Variants in MAOA observed in about 807,000 individuals in gnomAD.
MAOA encodes the protein amine oxidase [flavin-containing] A.
In MAOA, 6 loss-of-function variants were observed where a neutral mutation model predicts 42.0. The observed-to-expected ratio is 0.14, with a 90% CI of 0.08 to 0.28. The LOEUF (loss-of-function observed/expected upper bound fraction) is 0.28. MAOA is among the 10% of genes least tolerant of loss of function. MAOA has a pLI of 1.00. For missense variants in MAOA, 262 were observed against 422.3 expected (o/e 0.62, Z 3.33); for synonymous variants, 140 against 154.0 (o/e 0.91, Z 0.67).
chrX:43,691,093 C>G (rs1036389152), intron 2 of MAOA, among the ~76,000 whole-genome samples: 9 of 111,621 alleles, frequency 8.1e-5, no homozygotes, highest in Non-Finnish European at 1.3e-4. Context: ...CAAATAAATA[C>G]GAGATCAGAG....
intron 14 of MAOA, 33 bp downstream of exon 14, chrX:43,744,204 T>G: frequency 8.6e-7 from 1 of 1,166,222 alleles, no homozygotes; most frequent in Non-Finnish European, 1.2e-6. Context: ...CTATCTCTCC[T>G]TAGACCAATC....
intron 3 of MAOA, among the ~76,000 whole-genome samples, chrX:43,696,014 G>A (rs2033576020): frequency 8.9e-6 from 1 of 111,921 alleles, no homozygotes; most frequent in South Asian, 3.7e-4. Flanking sequence ...GCTTTACTGG[G>A]AACCCTGCTT....
chrX:43,708,662 G>GT (rs758339663), intron 3 of MAOA, among the ~76,000 whole-genome samples: 554 of 96,027 alleles, frequency 5.8e-3, no homozygotes, highest in East Asian at 0.028. Flanking sequence ...TCTTCTTGTT[G>GT]TTTTTTTTTT....
intron 3 of MAOA, among the ~76,000 whole-genome samples, chrX:43,703,221 A>C (rs1002816411): frequency 2.7e-5 from 3 of 111,469 alleles, no homozygotes; most frequent in Non-Finnish European, 5.7e-5. Flanking sequence ...AGTAGGGGGC[A>C]GGGCCACATC....
intron 3 of MAOA, among the ~76,000 whole-genome samples, chrX:43,696,079 G>A (rs1198716463): frequency 1.8e-5 from 2 of 112,068 alleles, no homozygotes; most frequent in Non-Finnish European, 3.8e-5. Context: ...CCTGCTGCAA[G>A]CTTTAATAGA....
intron 11 of MAOA, among the ~76,000 whole-genome samples, chrX:43,741,687 A>G (rs1035948076): frequency 9.0e-6 from 1 of 111,310 alleles, no homozygotes; most frequent in African/African-American, 3.3e-5. Context: ...GGATGGATGG[A>G]TACCCCTCTC....
intron 5 of MAOA, among the ~76,000 whole-genome samples, chrX:43,724,661 G>A (rs1342293683): frequency 9.0e-6 from 1 of 111,151 alleles, no homozygotes; most frequent in Admixed American, 9.6e-5. Flanking sequence ...GGTTTTTTGT[G>A]TCTCTGTCTC....
At position 43,744,355 on chromosome X, in the gene MAOA, T is replaced by G; in HGVS notation, c.1438-12T>G. The G allele has an allele frequency of 6.6e-6, 8 of 1,211,172 alleles. No homozygotes were observed. Among genetic ancestry groups the G allele is most frequent in the Non-Finnish European group, 8.9e-6 (8 of 895,019 alleles). ...TGAGTTTTTTGCTCATGATCTGTGTTCCTTCATCTAGGACGTTCCAGCGGT... is the reference window on the plus strand; with the variant it reads ...TGAGTTTTTTGCTCATGATCTGTGTGCCTTCATCTAGGACGTTCCAGCGGT... On this transcript the variant is annotated splice_polypyrimidine_tract_variant and intron_variant, in intron 14 of 14. Transcript: ENST00000338702.
intron 1 of MAOA, among the ~76,000 whole-genome samples, chrX:43,671,761 G>C (rs1349522153): frequency 1.0e-5 from 1 of 99,658 alleles, no homozygotes; most frequent in African/African-American, 3.7e-5. Context: ...GTAGATATGC[G>C]GCATTATTTC....
chrX:43,678,921 G>A (rs1320680610), intron 1 of MAOA, among the ~76,000 whole-genome samples: 1 of 111,340 alleles, frequency 9.0e-6, no homozygotes, highest in African/African-American at 3.3e-5. Flanking sequence ...TTCCTTAACA[G>A]GGTCTTCTTC....
chrX:43,716,845 C>T, intron 5 of MAOA, among the ~76,000 whole-genome samples: 1 of 109,805 alleles, frequency 9.1e-6, no homozygotes, highest in East Asian at 2.9e-4. Flanking sequence ...AATGGTGTGG[C>T]AGGATATATT....
chrX:43,722,319 C>T (rs1029331499), intron 5 of MAOA, among the ~76,000 whole-genome samples: 3 of 112,153 alleles, frequency 2.7e-5, no homozygotes, highest in South Asian at 7.3e-4. Context: ...ATTGTAAAAG[C>T]GTTCCTATTT....
Position 43,656,318 on chromosome X carries a change from AC to A in MAOA, c.-21del, listed in dbSNP as rs758477966. On this transcript the variant is annotated 5_prime_UTR_variant, in exon 1 of 15. Coordinates refer to ENST00000338702, the MANE Select transcript of MAOA (RefSeq NM_000240.4). ...TGCCGTCCCCACTCCTGTGCCTACG[AC>A]CCAGGAGCGTGTCAGCCAAAGCATG... 8.4e-7 allele frequency: 1 copy of A among 1,196,341 alleles called. No homozygotes were observed. Among genetic ancestry groups the A allele is most frequent in the East Asian group, 3.0e-5 (1 of 33,714 alleles).
chrX:43,679,899 C>T (rs1008850720), intron 1 of MAOA, among the ~76,000 whole-genome samples: 2 of 112,047 alleles, frequency 1.8e-5, no homozygotes, highest in African/African-American at 6.5e-5. Flanking sequence ...AAGATTTATG[C>T]ATAAACATAT....
intron 9 of MAOA, among the ~76,000 whole-genome samples, chrX:43,735,194 T>C (rs989297070): frequency 1.8e-5 from 2 of 111,842 alleles, no homozygotes; most frequent in South Asian, 7.5e-4. Context: ...AATTTGTGGG[T>C]AGGGAGAGGA....
At chrX:43,667,030 A>G (rs1422302970) in intron 1 of MAOA, among the ~76,000 whole-genome samples, 1 of 109,033 alleles carries the variant, frequency 9.2e-6, no homozygotes, top group African/African-American at 3.4e-5. Flanking sequence ...TAGGAGATAT[A>G]CCTAATGTAA....
intron 1 of MAOA, among the ~76,000 whole-genome samples, chrX:43,674,685 T>G (rs1375060258): frequency 9.0e-6 from 1 of 111,245 alleles, no homozygotes; most frequent in East Asian, 2.8e-4. Context: ...GTAAAGTATT[T>G]TATTTCTCCT....
At chrX:43,691,652 CA>C (rs2033534302) in intron 2 of MAOA, among the ~76,000 whole-genome samples, 1 of 111,335 alleles carries the variant, frequency 9.0e-6, no homozygotes, top group African/African-American at 3.3e-5. Context: ...GTTCTACAGG[CA>C]TGTTCTATGT....
chrX:43,727,479 C>T (rs1335652865), intron 5 of MAOA, among the ~76,000 whole-genome samples: 4 of 112,306 alleles, frequency 3.6e-5, no homozygotes, highest in African/African-American at 1.3e-4. Flanking sequence ...AAACTGCCTA[C>T]TCAAGCCTCA....
Sources: gnomAD v4.1 joint callset for allele counts (sites outside exome capture counted in the v4.1 genomes callset) on GRCh38, gnomAD v4.1.1 for gene constraint, MANE v1.5 for transcripts, NCBI Gene and HGNC (gene_info 2026-07-23, HGNC 2026-07-21) for gene names.